NAA60: variants seen among roughly 807,000 people sequenced by gnomAD.
NAA60 encodes the protein N-alpha-acetyltransferase 60.
A neutral mutation model predicts 26.1 loss-of-function variants in NAA60; 8 were observed. That is an observed-to-expected ratio of 0.31 (90% confidence interval 0.18 to 0.55). The LOEUF is 0.55. Among genes scored for constraint, NAA60 ranks in the 20% least tolerant of loss-of-function variants. The probability of loss-of-function intolerance (pLI) is 0.93; values close to 1 mark genes in which losing one functional copy is unlikely to be tolerated. For synonymous variants in NAA60, 131 were observed against 122.5 expected (o/e 1.07, Z -0.46); for missense variants, 290 against 311.3 (o/e 0.93, Z 0.51).
intron 4 of NAA60, among the ~76,000 whole-genome samples, chr16:3,481,628 C>T (rs1168756467): frequency 2.0e-5 from 3 of 152,210 alleles, no homozygotes; most frequent in East Asian, 1.9e-4. Flanking sequence ...CACGCTGGCA[C>T]TCATTCATCT....
intron 2 of NAA60, among the ~76,000 whole-genome samples, chr16:3,465,620 A>G (rs2035706651): frequency 6.6e-6 from 1 of 152,138 alleles, no homozygotes; most frequent in Admixed American, 6.5e-5. Context: ...TCTTGGGTGC[A>G]GTTTCGAGGA....
chr16:3,451,593 G>A (rs2034785915), intron 2 of NAA60, among the ~76,000 whole-genome samples: 1 of 152,128 alleles, frequency 6.6e-6, no homozygotes. Flanking sequence ...AAAACAATGA[G>A]ACCTTTTTCA....
intron 3 of NAA60, among the ~76,000 whole-genome samples, chr16:3,478,265 C>G (rs1282571524): frequency 1.3e-5 from 2 of 152,024 alleles, no homozygotes; most frequent in African/African-American, 2.4e-5. Context: ...GTTCTTCAGC[C>G]CAGCAATTTA....
chr16:3,447,952 A>G (rs996324194), intron 1 of NAA60, among the ~76,000 whole-genome samples: 37 of 152,218 alleles, frequency 2.4e-4, no homozygotes, highest in Admixed American at 2.4e-3. Context: ...AACTCCCAAC[A>G]GAATTCTTTT....
intron 2 of NAA60, among the ~76,000 whole-genome samples, chr16:3,460,700 G>T (rs1313988155): frequency 1.3e-5 from 2 of 152,172 alleles, no homozygotes; most frequent in Non-Finnish European, 2.9e-5. Flanking sequence ...TTCCTGGTTT[G>T]CAGAAAGCAA....
intron 2 of NAA60, among the ~76,000 whole-genome samples, chr16:3,464,302 C>T (rs1361203379): frequency 1.3e-5 from 2 of 152,134 alleles, no homozygotes; most frequent in Admixed American, 6.6e-5. Flanking sequence ...TGTGAGCCAC[C>T]ACGCCCAGCT....
chr16:3,483,591 C>A lies in NAA60; in HGVS notation c.566C>A (p.Thr189Lys). ...ATCAACGGCGGCCACCCTCCCTGGA[C>A]GATTTTATATCCTTAACTTCTGGGG... is the stretch of plus-strand genomic sequence containing the variant. Reference protein sequence around the residue: ...LYINGGHPPWTILDYIQHLGS... With the variant: ...LYINGGHPPWKILDYIQHLGS... The change falls in exon 6 of 8, where the codon ACG becomes AAG. Residue 189 changes from threonine to lysine, a missense_variant. Physicochemically the swap from Thr to Lys is moderately conservative, Grantham distance 78. Coordinates refer to ENST00000407558, the MANE Select transcript of NAA60 (RefSeq NM_001083601.3). 6.2e-7 allele frequency: 1 copy of A among 1,608,986 alleles called. No homozygotes were observed. Among genetic ancestry groups the A allele is most frequent in the Non-Finnish European group, 8.5e-7 (1 of 1,176,794 alleles).
Position 3,476,238 on chromosome 16 carries a change from TGGTGCCATCCA to T in NAA60, c.13_23del (p.Val5ArgfsTer14). ...TCCCCACAGGTGTGAATGACAGAGGTGGTGCCATCCAGCGCGCTCAGCGAGGTCAGCCTGCG... is the reference window on the plus strand; with the variant it reads ...TCCCCACAGGTGTGAATGACAGAGGTGCGCGCTCAGCGAGGTCAGCCTGCG... On this transcript the variant is annotated frameshift_variant, in exon 3 of 8. Coordinates refer to ENST00000407558, the MANE Select transcript of NAA60 (RefSeq NM_001083601.3). LOFTEE classifies it high-confidence loss of function. The T allele has an allele frequency of 6.3e-7, 1 of 1,590,586 alleles. No homozygotes were observed. The highest frequency in any genetic ancestry group is 8.6e-7 in the Non-Finnish European group (1 of 1,162,994).
intron 2 of NAA60, chr16:3,458,074 T>G (rs922296270): frequency 1.1e-5 from 11 of 984,906 alleles, no homozygotes; most frequent in Non-Finnish European, 1.3e-5. Flanking sequence ...CCCCTGCCGG[T>G]TACATAACTC....
At position 3,448,470 on chromosome 16, in the gene NAA60, G is replaced by A. The variant is rs1244065281; in HGVS notation, c.-76-1G>A. The A allele has an allele frequency of 6.5e-7, 1 of 1,535,380 alleles. No homozygotes were observed. Among genetic ancestry groups the A allele is most frequent in the Non-Finnish European group, 8.7e-7 (1 of 1,146,808 alleles). ...TGGCCTTGTGTCTTTCTCCCCTGCA[G>A]CATACAGAAAGGCTGTACCTGGAGG... On this transcript the variant is annotated splice_acceptor_variant, in intron 1 of 7. Coordinates refer to ENST00000407558, the MANE Select transcript of NAA60 (RefSeq NM_001083601.3). LOFTEE classifies it low-confidence loss of function (5UTR_SPLICE).
intron 2 of NAA60, among the ~76,000 whole-genome samples, chr16:3,456,397 C>G (rs183228660): frequency 6.6e-6 from 1 of 151,914 alleles, no homozygotes; most frequent in East Asian, 1.9e-4. Context: ...CATCCATCTT[C>G]TAGCCAGTGG....
chr16:3,448,513 G>T lies in NAA60; in HGVS notation c.-34G>T. 1.3e-6 allele frequency: 2 copies of T among 1,535,614 alleles called. No homozygotes were observed. The highest frequency in any genetic ancestry group is 1.7e-6 in the Non-Finnish European group (2 of 1,146,860). On this transcript the variant is annotated 5_prime_UTR_variant, in exon 2 of 8. Coordinates refer to ENST00000407558, the MANE Select transcript of NAA60 (RefSeq NM_001083601.3). ...CCTGGAGGAAGGAAGTGCGGAGCCAGCCTGAGTTGGGAGAAGAGCTCCAGA... is the reference window on the plus strand; with the variant it reads ...CCTGGAGGAAGGAAGTGCGGAGCCATCCTGAGTTGGGAGAAGAGCTCCAGA...
chr16:3,465,181 G>A (rs1234034113), intron 2 of NAA60, among the ~76,000 whole-genome samples: 1 of 151,758 alleles, frequency 6.6e-6, no homozygotes, highest in African/African-American at 2.4e-5. Flanking sequence ...ACAGGAGAAT[G>A]GCGTGAACCC....
At chr16:3,446,853 C>T (rs762527713) in intron 1 of NAA60, among the ~76,000 whole-genome samples, 19 of 152,122 alleles carry the variant, frequency 1.2e-4, no homozygotes, top group South Asian at 8.3e-4. Flanking sequence ...TCAAGTGATC[C>T]GCCCATGTCA....
chr16:3,450,333 GA>G (rs1359616448), intron 2 of NAA60, among the ~76,000 whole-genome samples: 3 of 152,118 alleles, frequency 2.0e-5, no homozygotes, highest in Non-Finnish European at 4.4e-5. Context: ...GGGACCCTGG[GA>G]AAAATGTTCT....
chr16:3,478,429 G>C (rs2036618055), intron 3 of NAA60, among the ~76,000 whole-genome samples: 1 of 152,170 alleles, frequency 6.6e-6, no homozygotes, highest in Non-Finnish European at 1.5e-5. Context: ...CAGTTCTCGT[G>C]GGCCTAAGGT....
Position 3,486,444 on chromosome 16 carries a change from C to T in NAA60, c.*1184C>T, listed in dbSNP as rs2285815. On this transcript the variant is annotated 3_prime_UTR_variant, in exon 8 of 8. Transcript: ENST00000407558. ...GAGGAACAACCCTGGGCAGACGGGG[C>T]CTCAGGGACCTGTGTCCTTCCGCCT... 95,098 of 152,072 alleles carry T rather than the reference C, an allele frequency of 0.63. 31,400 individuals carry two copies. Among genetic ancestry groups the T allele is most frequent in the Non-Finnish European group, 0.73 (49,702 of 68,032 alleles). 9.4% of individuals were successfully genotyped at this position (152,072 alleles called of 1,614,324 possible). A position where few individuals can be genotyped will look rare whatever the true frequency, so the allele number is the denominator to read the frequency against.
chr16:3,482,455 G>T (rs146609119), intron 4 of NAA60, 47 bp from the exon 5 acceptor site: 200 of 1,466,794 alleles, frequency 1.4e-4, no homozygotes, highest in Non-Finnish European at 1.8e-4. Flanking sequence ...GCAGTGAGCC[G>T]TGCACCAGAC....
At chr16:3,466,967 G>T (rs2035803083) in intron 2 of NAA60, among the ~76,000 whole-genome samples, 1 of 152,196 alleles carries the variant, frequency 6.6e-6, no homozygotes, top group African/African-American at 2.4e-5. Flanking sequence ...GCTGCAAGTG[G>T]TTCCATTGCC....
Sources: allele counts gnomAD v4.1 joint callset (sites outside exome capture counted in the v4.1 genomes callset), GRCh38; gene constraint gnomAD v4.1.1; transcripts MANE v1.5; gene names NCBI Gene and HGNC (gene_info 2026-07-23, HGNC 2026-07-21).